The following KDM2A variants were observed in gnomAD, a reference collection of about 807,000 sequenced individuals.
The protein encoded by KDM2A is lysine-specific demethylase 2A.
In KDM2A, 3 loss-of-function variants were observed where a neutral mutation model predicts 137.3. That is an observed-to-expected ratio of 0.02 (90% CI 0.01 to 0.06). The LOEUF (loss-of-function observed/expected upper bound fraction) is 0.06, where lower values mean the gene tolerates loss of function less well. Among genes scored for constraint, KDM2A ranks in the 10% least tolerant of loss-of-function variants. The pLI, the probability that KDM2A is intolerant of heterozygous loss-of-function variation, is 1.00. For synonymous variants in KDM2A, 512 were observed against 541.5 expected, an observed-to-expected ratio of 0.95 and a Z score of 0.76; for missense variants, 738 against 1,510.6, an observed-to-expected ratio of 0.49 and a Z score of 8.48.
chr11:67,147,152 A>G (rs752842716), intron 2 of KDM2A, among the ~76,000 whole-genome samples: 1 of 152,118 alleles, frequency 6.6e-6, no homozygotes, highest in Non-Finnish European at 1.5e-5. Context: ...TGTTGTTGAC[A>G]GTTTGGTGTA....
intron 12 of KDM2A, among the ~76,000 whole-genome samples, chr11:67,242,790 T>G (rs1204309489): frequency 6.6e-6 from 1 of 152,110 alleles, no homozygotes; most frequent in Non-Finnish European, 1.5e-5. Flanking sequence ...AGCCTCAAAG[T>G]TTTGATAATA....
Position 67,252,706 on chromosome 11 carries a change from G to A in KDM2A, c.2781G>A (p.Lys927=). 6.2e-7 allele frequency: 1 copy of A among 1,614,020 alleles called. No homozygotes were observed. The highest frequency in any genetic ancestry group is 8.5e-7 in the Non-Finnish European group (1 of 1,179,898). Residue 927 remains lysine (K), a synonymous_variant, in exon 18 of 21, where the codon AAG becomes AAA. Transcript: ENST00000529006. ...CKTWYKWCCD[K]RLWTKIDLSR... ...CCTTCTATCACAGGTGCTGCGACAA[G>A]AGACTTTGGACAAAAATTGACTTGA...
At position 67,254,815 on chromosome 11, in the gene KDM2A, A is replaced by C; in HGVS notation, c.3308-59A>C. 6.8e-7 allele frequency: 1 copy of C among 1,464,246 alleles called. No individual in the cohort carries two copies. Among genetic ancestry groups the C allele is most frequent in the African/African-American group, 1.4e-5 (1 of 71,746 alleles). The allele number at this position is 1,464,246 out of a possible 1,614,324, so 90.7% of individuals were successfully genotyped here. Reference sequence around the variant, plus strand: ...GAAGGAAAGACGGCTACAGGAATTGAATGGCAGAGGAAAGCTGTGTGTATG... The same window carrying C: ...GAAGGAAAGACGGCTACAGGAATTGCATGGCAGAGGAAAGCTGTGTGTATG... On this transcript the variant is annotated intron_variant, in intron 20 of 20. Coordinates refer to ENST00000529006, the MANE Select transcript of KDM2A (RefSeq NM_012308.3). This position sits in a 1 kb window ranked among gnomAD's most constrained non-coding sequence, Gnocchi z 4.7.
At chr11:67,141,019 G>C (rs1409295596) in intron 2 of KDM2A, among the ~76,000 whole-genome samples, 1 of 152,040 alleles carries the variant, frequency 6.6e-6, no homozygotes, top group Admixed American at 6.6e-5. Context: ...CAAGTCAAAG[G>C]TTGATAAATA....
chr11:67,245,434 C>T lies in KDM2A; in HGVS notation c.1809C>T (p.Ser603=). Reference sequence around the variant, plus strand: ...GGGGGCCTGGACGCATGAAGCAGTCCTGTGTCCTCCGACAGTGCTTGGCAG... The same window carrying T: ...GGGGGCCTGGACGCATGAAGCAGTCTTGTGTCCTCCGACAGTGCTTGGCAG... The part of the protein sequence containing the change: ...KFGGPGRMKQ[S]CVLRQCLAPR... The change falls in exon 14 of 21, where the codon TCC becomes TCT. Residue 603 remains serine, a synonymous_variant. Transcript: ENST00000529006. This position sits in a 1 kb window ranked among gnomAD's most constrained non-coding sequence, Gnocchi z 4.1. The T allele has an allele frequency of 6.2e-7, 1 of 1,613,728 alleles. No individual in the cohort carries two copies. Among genetic ancestry groups the T allele is most frequent in the Non-Finnish European group, 8.5e-7 (1 of 1,179,880 alleles).
At chr11:67,151,487 T>C (rs536292323) in intron 2 of KDM2A, among the ~76,000 whole-genome samples, 3 of 152,202 alleles carry the variant, frequency 2.0e-5, no homozygotes, top group African/African-American at 7.2e-5. Context: ...TAAGTGGGGT[T>C]ACAGGTGTCT....
At chr11:67,205,044 G>A (rs752270902) in intron 5 of KDM2A, among the ~76,000 whole-genome samples, 2 of 152,152 alleles carry the variant, frequency 1.3e-5, no homozygotes, top group African/African-American at 2.4e-5. Flanking sequence ...GAGTCACATG[G>A]TCATTCTGTG....
chr11:67,212,528 AG>A (rs1565406686), intron 6 of KDM2A, among the ~76,000 whole-genome samples: 2 of 152,236 alleles, frequency 1.3e-5, no homozygotes, highest in Non-Finnish European at 2.9e-5. Flanking sequence ...TGAATAGACT[AG>A]GTTCATGATA....
intron 11 of KDM2A, among the ~76,000 whole-genome samples, chr11:67,229,489 T>A (rs1401687057): frequency 6.6e-6 from 1 of 152,250 alleles, no homozygotes; most frequent in Non-Finnish European, 1.5e-5. Flanking sequence ...CATGTTCTTA[T>A]GGAATCTTTA....
chr11:67,213,755 CAAA>C (rs71056186), intron 6 of KDM2A, among the ~76,000 whole-genome samples: 5 of 77,204 alleles, frequency 6.5e-5, no homozygotes, highest in African/African-American at 3.5e-5. Flanking sequence ...CAGACCGTCT[CAAA>C]AAAAAAAAAA....
intron 2 of KDM2A, among the ~76,000 whole-genome samples, chr11:67,123,334 A>AAGTAT (rs1855643147): frequency 7.9e-6 from 1 of 126,516 alleles, no homozygotes; most frequent in Non-Finnish European, 1.6e-5. Context: ...GTGTATTGGG[A>AAGTAT]AGTATATATT....
At chr11:67,217,916 C>T (rs1001888352) in intron 9 of KDM2A, 32 bp downstream of exon 9, 2 of 1,531,874 alleles carry the variant, frequency 1.3e-6, no homozygotes, top group Non-Finnish European at 1.8e-6. Flanking sequence ...GGTTATTTAG[C>T]CATTTTTTTC....
intron 19 of KDM2A, 39 bp downstream of exon 19, chr11:67,253,650 G>A (rs1050905539): frequency 1.2e-6 from 2 of 1,605,190 alleles, no homozygotes; most frequent in Non-Finnish European, 1.7e-6. Flanking sequence ...TTGTCTTGGG[G>A]TAGCTTTGTC....
intron 2 of KDM2A, among the ~76,000 whole-genome samples, chr11:67,122,857 A>C (rs1217222230): frequency 2.7e-5 from 4 of 150,662 alleles, no homozygotes; most frequent in Admixed American, 6.7e-5. Context: ...TTGTACTTTT[A>C]GTAGAGACGG....
chr11:67,249,090 C>G (rs1183829458), intron 16 of KDM2A, among the ~76,000 whole-genome samples: 1 of 152,202 alleles, frequency 6.6e-6, no homozygotes, highest in Admixed American at 6.5e-5. Context: ...AATTTTCTTA[C>G]TTTTTATTTC....
chr11:67,146,608 A>G (rs564417798), intron 2 of KDM2A, among the ~76,000 whole-genome samples: 1 of 151,908 alleles, frequency 6.6e-6, no homozygotes. Flanking sequence ...TCCCAGACTT[A>G]AGCAATCCTC....
At chr11:67,148,530 G>C (rs1856309037) in intron 2 of KDM2A, among the ~76,000 whole-genome samples, 1 of 152,128 alleles carries the variant, frequency 6.6e-6, no homozygotes, top group Non-Finnish European at 1.5e-5. Context: ...GCCGGGCGTG[G>C]TGGCTCATGC....
intron 5 of KDM2A, among the ~76,000 whole-genome samples, chr11:67,186,730 C>T (rs1027934536): frequency 2.6e-5 from 4 of 152,064 alleles, no homozygotes; most frequent in Non-Finnish European, 5.9e-5. Context: ...GAGTGTAGCC[C>T]CACATTTTAT....
chr11:67,195,037 T>C (rs1190227440), intron 5 of KDM2A, among the ~76,000 whole-genome samples: 1 of 152,192 alleles, frequency 6.6e-6, no homozygotes, highest in East Asian at 1.9e-4. Context: ...TCAAACAGTG[T>C]AGAATATATG....
Sources: gnomAD v4.1 joint callset for allele counts (sites outside exome capture counted in the v4.1 genomes callset) on GRCh38, gnomAD v4.1.1 for gene constraint, Gnocchi (gnomAD v3.1) non-coding constraint, MANE v1.5 for transcripts, NCBI Gene and HGNC (gene_info 2026-07-23, HGNC 2026-07-21) for gene names.